Variants in ZNF277 observed in about 807,000 individuals in gnomAD.
ZNF277 encodes zinc finger protein 277, also known as nuclear receptor-interacting factor 4.
A neutral mutation model predicts 60.7 loss-of-function variants in ZNF277; 55 were observed. That is an observed-to-expected ratio of 0.91 (90% CI 0.73 to 1.13). ZNF277 has a LOEUF of 1.13. ZNF277 is among the 50% of genes most tolerant of loss of function. The pLI is 0.00. For synonymous variants in ZNF277, 178 were observed against 179.3 expected, an observed-to-expected ratio of 0.99 and a Z score of 0.06; for missense variants, 510 against 523.0, an observed-to-expected ratio of 0.98 and a Z score of 0.24.
intron 1 of ZNF277, among the ~76,000 whole-genome samples, chr7:112,215,235 A>G (rs1821850023): frequency 6.6e-6 from 1 of 152,224 alleles, no homozygotes; most frequent in South Asian, 2.1e-4. Flanking sequence ...TGCTACTACT[A>G]CTACAAAAGC....
intron 1 of ZNF277, among the ~76,000 whole-genome samples, chr7:112,211,765 A>G (rs1017009438): frequency 6.6e-6 from 1 of 152,138 alleles, no homozygotes; most frequent in Non-Finnish European, 1.5e-5. Flanking sequence ...TTCCTTTCCC[A>G]TATCTCCATT....
chr7:112,334,471 A>G (rs1258777589), intron 7 of ZNF277, among the ~76,000 whole-genome samples: 2 of 150,464 alleles, frequency 1.3e-5, no homozygotes, highest in Non-Finnish European at 2.9e-5. Flanking sequence ...ACCAAATCAG[A>G]GCACTCTAGG....
chr7:112,218,369 A>G (rs978963186), intron 1 of ZNF277, among the ~76,000 whole-genome samples: 8 of 152,224 alleles, frequency 5.3e-5, no homozygotes, highest in African/African-American at 1.9e-4. Context: ...ATTGACAACT[A>G]AAAGTATGTA....
chr7:112,330,709 T>C (rs1793211002), intron 7 of ZNF277, among the ~76,000 whole-genome samples: 2 of 151,992 alleles, frequency 1.3e-5, no homozygotes, highest in South Asian at 4.1e-4. Flanking sequence ...GAATTACAGC[T>C]ACTGTGCTGC....
intron 1 of ZNF277, among the ~76,000 whole-genome samples, chr7:112,259,259 A>C (rs2117021439): frequency 6.6e-6 from 1 of 152,324 alleles, no homozygotes; most frequent in South Asian, 2.1e-4. Context: ...AAACAGAGTC[A>C]AGATGTATTA....
At chr7:112,341,234 C>G in intron 11 of ZNF277, 188 bp downstream of exon 11, 1 of 429,956 alleles carries the variant, frequency 2.3e-6, no homozygotes, top group South Asian at 7.6e-5. Flanking sequence ...CCCCCTCTTA[C>G]AAATGAAACC....
chr7:112,322,536 A>C (rs28805003), intron 5 of ZNF277, among the ~76,000 whole-genome samples: 44,928 of 151,908 alleles, frequency 0.3, 8,176 homozygotes, highest in African/African-American at 0.51. Context: ...TCTGGCTACT[A>C]TTGGCCACTC....
At chr7:112,275,766 T>C (rs1791778082) in intron 1 of ZNF277, among the ~76,000 whole-genome samples, 1 of 112,330 alleles carries the variant, frequency 8.9e-6, no homozygotes, top group African/African-American at 6.4e-5. Flanking sequence ...TTTATGAAAT[T>C]GATTAAGAAG....
rs146419666 is a variant in ZNF277, at chr7:112,318,889, G to T, written c.557+616G>T. On this transcript the variant is annotated intron_variant, in intron 5 of 11. Transcript: ENST00000361822. ...TTCCCACTGATAATTTCATGGGTTT[G>T]ATAATTTGCTAGAATTACTTACAGA... Among the ~76,000 whole-genome samples the T allele has an allele frequency of 1.9e-4, 29 of 152,204 alleles. No individual in the cohort carries two copies. The East Asian group carries it at 5.4e-3, about 28-fold the overall frequency.
At chr7:112,271,909 A>G (rs1325929538) in intron 1 of ZNF277, among the ~76,000 whole-genome samples, 2 of 152,204 alleles carry the variant, frequency 1.3e-5, no homozygotes, top group Non-Finnish European at 2.9e-5. Flanking sequence ...TGGAATATCC[A>G]TTACCTCAAG....
In ZNF277 at chr7:112,286,898, G is replaced by A. The variant is rs369418387; in HGVS notation, c.117G>A (p.Pro39=). Residue 39 remains proline, a synonymous_variant, in exon 2 of 12, where the codon CCG becomes CCA. Transcript: ENST00000361822. ...YGDSKDCILE[P]LSLPESPGGT... ...ACAGTAAGGATTGTATCCTGGAGCC[G>A]CTTTCCCTGCCAGAAAGTCCAGGTG... The A allele has an allele frequency of 1.9e-5, 29 of 1,554,316 alleles. No individual in the cohort carries two copies. The highest frequency in any genetic ancestry group is 1.8e-4 in the Middle Eastern group (1 of 5,564).
intron 1 of ZNF277, among the ~76,000 whole-genome samples, chr7:112,262,626 A>G (rs1294649966): frequency 6.6e-6 from 1 of 152,164 alleles, no homozygotes; most frequent in Non-Finnish European, 1.5e-5. Flanking sequence ...CCCTCAGAAT[A>G]TTTTATAAAC....
At chr7:112,342,515 G>C in intron 11 of ZNF277, 46 bp from the exon 12 acceptor site, 1 of 1,492,898 alleles carries the variant, frequency 6.7e-7, no homozygotes, top group Non-Finnish European at 9.0e-7. Context: ...CCTGGACACT[G>C]TATTAGCTTG....
chr7:112,248,266 T>C (rs1368989054), intron 1 of ZNF277, among the ~76,000 whole-genome samples: 1 of 146,496 alleles, frequency 6.8e-6, no homozygotes, highest in African/African-American at 2.5e-5. Context: ...AGATAGAGAC[T>C]GGCTCATCTG....
chr7:112,312,585 A>G (rs1563225107), intron 4 of ZNF277, among the ~76,000 whole-genome samples: 1 of 152,116 alleles, frequency 6.6e-6, no homozygotes, highest in Admixed American at 6.6e-5. Flanking sequence ...CAAAGTATAT[A>G]ATATACAAAT....
At chr7:112,272,924 T>A (rs550382916) in intron 1 of ZNF277, among the ~76,000 whole-genome samples, 1 of 152,358 alleles carries the variant, frequency 6.6e-6, no homozygotes, top group East Asian at 1.9e-4. Flanking sequence ...TTTCTGTCTT[T>A]TGGGTAAAAG....
chr7:112,288,373 C>G (rs1792118697), intron 2 of ZNF277: 1 of 152,092 alleles, frequency 6.6e-6, no homozygotes, highest in South Asian at 2.1e-4. Flanking sequence ...TCTGTTTCTC[C>G]CAGGCCATAT....
At chr7:112,259,203 T>A (rs1471308471) in intron 1 of ZNF277, among the ~76,000 whole-genome samples, 3 of 152,086 alleles carry the variant, frequency 2.0e-5, no homozygotes, top group African/African-American at 7.2e-5. Flanking sequence ...TACCCCCAAA[T>A]ATAATAAAAT....
At chr7:112,234,956 T>C (rs2116983679) in intron 1 of ZNF277, among the ~76,000 whole-genome samples, 1 of 152,018 alleles carries the variant, frequency 6.6e-6, no homozygotes, top group African/African-American at 2.4e-5. Context: ...AGGAGTCTTA[T>C]ATAGTAAGGA....
Sources: gnomAD v4.1 joint callset for allele counts (sites outside exome capture counted in the v4.1 genomes callset) on GRCh38, gnomAD v4.1.1 for gene constraint, MANE v1.5 for transcripts, NCBI Gene and HGNC (gene_info 2026-07-23, HGNC 2026-07-21) for gene names.